Variants in GLDC observed in about 807,000 individuals in gnomAD.
The protein encoded by GLDC is glycine decarboxylase.
GLDC carries 104 observed loss-of-function variants against 121.3 expected under a neutral mutation model. The observed-to-expected ratio is 0.86, with a 90% CI of 0.73 to 1.01. GLDC has a LOEUF of 1.01. Ranked by LOEUF, GLDC falls within the 50% of genes least tolerant of loss-of-function variation. The pLI is 0.00. For missense variants in GLDC, 1,429 were observed against 1,306.6 expected (o/e 1.09, Z -1.44); for synonymous variants, 546 against 480.6 (o/e 1.14, Z -1.78).
At chr9:6,568,673 C>G (rs1817896722) in intron 15 of GLDC, among the ~76,000 whole-genome samples, 1 of 151,596 alleles carries the variant, frequency 6.6e-6, no homozygotes, top group Non-Finnish European at 1.5e-5. Context: ...CATGGTGAAA[C>G]CCCATTTCTA....
chr9:6,616,545 A>G (rs1818970207), intron 3 of GLDC, among the ~76,000 whole-genome samples: 1 of 152,218 alleles, frequency 6.6e-6, no homozygotes, highest in Non-Finnish European at 1.5e-5. Context: ...GATGACAAAT[A>G]ACCCTCATTT....
chr9:6,559,482 T>C lies in GLDC; in HGVS notation c.1927-798A>G, dbSNP rs143645465. 1.1e-3 allele frequency among the ~76,000 whole-genome samples: 141 copies of C among 128,142 alleles called. No individual in the cohort carries two copies. The East Asian group carries it at 0.028, about 26-fold the overall frequency. The allele number at this position is 128,142 out of a possible 152,430, so 84.1% of individuals were successfully genotyped here. A position where few individuals can be genotyped will look rare whatever the true frequency, so the allele number is the denominator to read the frequency against. Reference sequence around the variant, plus strand: ...GTGAGCCGAGATTGCGCTATTGCACTCCAGCCTGGGCGACAAGAGTGAAAC... The same window carrying C: ...GTGAGCCGAGATTGCGCTATTGCACCCCAGCCTGGGCGACAAGAGTGAAAC... On this transcript the variant is annotated intron_variant, in intron 16 of 24. Transcript: ENST00000321612.
chr9:6,632,732 C>T (rs1362539142), intron 2 of GLDC, among the ~76,000 whole-genome samples: 1 of 152,206 alleles, frequency 6.6e-6, no homozygotes, highest in East Asian at 1.9e-4. Flanking sequence ...ACTGAGCTTG[C>T]AGGCAGAATG....
intron 20 of GLDC, among the ~76,000 whole-genome samples, chr9:6,552,617 TG>T (rs1399229004): frequency 6.6e-6 from 1 of 152,142 alleles, no homozygotes; most frequent in African/African-American, 2.4e-5. Flanking sequence ...AGCTGCGTTT[TG>T]GGGGTTTTGT....
chr9:6,568,693 C>T (rs1044385697), intron 15 of GLDC, among the ~76,000 whole-genome samples: 4 of 151,442 alleles, frequency 2.6e-5, no homozygotes, highest in Non-Finnish European at 5.9e-5. Flanking sequence ...ACTAAACATA[C>T]AAAAAATTAG....
At chr9:6,586,627 A>G (rs1377423640) in intron 15 of GLDC, among the ~76,000 whole-genome samples, 1 of 152,198 alleles carries the variant, frequency 6.6e-6, no homozygotes, top group Non-Finnish European at 1.5e-5. Flanking sequence ...TGTCACTGAC[A>G]GGTGTAGTAA....
intron 2 of GLDC, among the ~76,000 whole-genome samples, chr9:6,626,665 G>C (rs888698171): frequency 6.6e-5 from 10 of 152,114 alleles, no homozygotes; most frequent in African/African-American, 2.4e-4. Flanking sequence ...CAAGTAAAGA[G>C]AGATTTGAAT....
At chr9:6,632,005 C>T (rs1269167) in intron 2 of GLDC, among the ~76,000 whole-genome samples, 55,833 of 151,980 alleles carry the variant, frequency 0.37, 11,928 homozygotes, top group African/African-American at 0.59. Context: ...GAGGTTGAGG[C>T]TGCAGTGAGC....
chr9:6,613,108 T>G (rs1818895398), intron 3 of GLDC, among the ~76,000 whole-genome samples: 1 of 152,238 alleles, frequency 6.6e-6, no homozygotes. Context: ...ATGTTCCAAA[T>G]GTTAAAGAAA....
At chr9:6,605,419 C>T (rs772513374) in intron 5 of GLDC, 141 bp from the exon 6 acceptor site, 182 of 760,596 alleles carry the variant, frequency 2.4e-4, no homozygotes, top group Middle Eastern at 2.9e-4. Context: ...TCCCGTCCCA[C>T]AGGCACTTCA....
rs151065316 is a variant in GLDC, at chr9:6,591,669, C to T, written c.1482+474G>A. 8.1e-3 allele frequency among the ~76,000 whole-genome samples: 1,236 copies of T among 152,270 alleles called. 7 individuals carry two copies. The highest frequency in any genetic ancestry group is 0.042 in the South Asian group (203 of 4,830). On this transcript the variant is annotated intron_variant, in intron 11 of 24. Coordinates refer to ENST00000321612, the MANE Select transcript of GLDC (RefSeq NM_000170.3). ...GCGCAATCTCAGCTCACTGCAACCG[C>T]CGCCTCCTGGGTTGAAGCAATTCTC... is the stretch of plus-strand genomic sequence containing the variant.
At chr9:6,556,908 C>A (rs80296974) in intron 17 of GLDC, among the ~76,000 whole-genome samples, 4 of 152,182 alleles carry the variant, frequency 2.6e-5, no homozygotes, top group Admixed American at 2.6e-4. Context: ...GGGCCCAACT[C>A]TCTAAGGTGG....
chr9:6,536,105 T>G lies in GLDC; in HGVS notation c.2797A>C (p.Ile933Leu), dbSNP rs1186573360. Reference protein sequence around the residue: ...MISIRQEIADIEEGRIDPRVN... With the variant: ...MISIRQEIADLEEGRIDPRVN... ...CTGGGGTCGATGCGGCCCTCCTCAA[T>G]GTCAGCAATTTCCTGCCGAATGCTG... The change falls in exon 23 of 25, where the codon ATT (isoleucine) becomes CTT (leucine). Residue 933 changes from isoleucine to leucine, a missense_variant. Transcript: ENST00000321612. 6.2e-7 allele frequency: 1 copy of G among 1,614,020 alleles called. No individual in the cohort carries two copies. Among genetic ancestry groups the G allele is most frequent in the Non-Finnish European group, 8.5e-7 (1 of 1,179,984 alleles).
At chr9:6,539,115 G>A (rs1213230020) in intron 22 of GLDC, among the ~76,000 whole-genome samples, 6 of 152,054 alleles carry the variant, frequency 3.9e-5, no homozygotes, top group African/African-American at 1.2e-4. Context: ...GAATGGCAAT[G>A]TTCTCCCCAA....
At chr9:6,593,027 G>A in intron 9 of GLDC, 37 bp from the exon 10 acceptor site, 1 of 1,609,952 alleles carries the variant, frequency 6.2e-7, no homozygotes, top group South Asian at 1.1e-5. Context: ...CTCTCATATA[G>A]AAACCTGCTC....
chr9:6,540,171 C>G (rs777604204), intron 21 of GLDC, 25 bp from the exon 22 acceptor site: 1 of 1,332,668 alleles, frequency 7.5e-7, no homozygotes, highest in South Asian at 1.2e-5. Flanking sequence ...TGTTTCAGCC[C>G]AAGATTAGCA....
At chr9:6,614,385 C>G (rs1455161875) in intron 3 of GLDC, among the ~76,000 whole-genome samples, 2 of 151,640 alleles carry the variant, frequency 1.3e-5, no homozygotes, top group African/African-American at 4.8e-5. Flanking sequence ...CAGGCATGCA[C>G]CACCACGCCC....
intron 21 of GLDC, among the ~76,000 whole-genome samples, chr9:6,544,638 CAAAAAA>C (rs5896155): frequency 2.8e-5 from 3 of 105,670 alleles, no homozygotes; most frequent in Admixed American, 9.7e-5. Context: ...GACTCTGTCT[CAAAAAA>C]AAAAAAAAAA....
rs141153261 is a variant in GLDC at position 6,565,355 on chromosome 9, G to A, written c.1925C>T (p.Thr642Met). Residue 642 changes from threonine to methionine, a missense_variant and splice_region_variant, in exon 16 of 25, where the codon ACG becomes ATG. Coordinates refer to ENST00000321612, the MANE Select transcript of GLDC (RefSeq NM_000170.3). ...AGCGCCACCTCCTGCCATACTCACC[G>A]TTCTGTGCCCCTCTCCTTTCTGGTT... The part of the protein sequence containing the change: ...YLNQKGEGHR[T>M]VCLIPKSAHG... The A allele has an allele frequency of 2.4e-5, 38 of 1,610,464 alleles. No homozygotes were observed. The highest frequency in any genetic ancestry group is 4.5e-5 in the East Asian group (2 of 44,862).
Sources: allele counts gnomAD v4.1 joint callset (sites outside exome capture counted in the v4.1 genomes callset), GRCh38; gene constraint gnomAD v4.1.1; transcripts MANE v1.5; gene names NCBI Gene and HGNC (gene_info 2026-07-23, HGNC 2026-07-21).